The following UNC79 variants were observed in gnomAD, a reference collection of about 807,000 sequenced individuals.
UNC79 encodes unc-79 subunit of NALCN channel complex.
Under a neutral mutation model 283.1 loss-of-function variants are expected in UNC79, and 37 were observed. That is an observed-to-expected ratio of 0.13 (90% confidence interval 0.10 to 0.17). UNC79 has a LOEUF of 0.17. UNC79 is among the 10% of genes least tolerant of loss of function. UNC79 has a pLI of 1.00. For missense variants in UNC79, 2,272 were observed against 3,211.1 expected (o/e 0.71, Z 7.07); for synonymous variants, 1,107 against 1,200.2 (o/e 0.92, Z 1.61).
intron 23 of UNC79, among the ~76,000 whole-genome samples, chr14:93,595,861 C>G (rs1342894922): frequency 2.0e-5 from 3 of 152,122 alleles, no homozygotes; most frequent in Non-Finnish European, 4.4e-5. Context: ...TGAATGATTC[C>G]TCTTTCCATT....
intron 1 of UNC79, among the ~76,000 whole-genome samples, chr14:93,386,934 T>C (rs2054788844): frequency 1.5e-4 from 3 of 20,228 alleles, no homozygotes; most frequent in Non-Finnish European, 3.5e-4. Flanking sequence ...CTGCTTTTTT[T>C]TTTTTTTTTT....
At position 93,566,671 on chromosome 14, in the gene UNC79, C is replaced by G. The variant is rs532137552; in HGVS notation, c.1756-5223C>G. Among the ~76,000 whole-genome samples, 17 of 140,942 alleles carry G rather than the reference C, an allele frequency of 1.2e-4. 1 individual carries two copies. The South Asian group carries it at 3.5e-3, about 29-fold the overall frequency. 92.5% of individuals were successfully genotyped at this position (140,942 alleles called of 152,430 possible). On this transcript the variant is annotated intron_variant, in intron 14 of 48. Transcript: ENST00000555664. ...TTTTTTTTTTTGAGACGGAATCTTGCTCTGTTGCCAGGCAGGAGTGCAGTG... is the reference window on the plus strand; with the variant it reads ...TTTTTTTTTTTGAGACGGAATCTTGGTCTGTTGCCAGGCAGGAGTGCAGTG...
chr14:93,691,085 T>C (rs1366093185), intron 45 of UNC79: 1 of 153,844 alleles, frequency 6.5e-6, no homozygotes, highest in Non-Finnish European at 1.4e-5. Flanking sequence ...ATATTTCTAC[T>C]CAGATCCGGG....
At chr14:93,341,257 G>C (rs2053701713) in intron 1 of UNC79, among the ~76,000 whole-genome samples, 1 of 151,908 alleles carries the variant, frequency 6.6e-6, no homozygotes, top group Admixed American at 6.6e-5. Context: ...AGGAGTTCGA[G>C]ACCAGCCTGA....
chr14:93,413,247 A>G (rs753816466), intron 1 of UNC79, among the ~76,000 whole-genome samples: 8 of 142,196 alleles, frequency 5.6e-5, no homozygotes, highest in East Asian at 4.2e-4. Context: ...TCATCGTTCA[A>G]TTCCCACCTA....
At chr14:93,390,806 A>G (rs928149705) in intron 1 of UNC79, among the ~76,000 whole-genome samples, 1 of 152,214 alleles carries the variant, frequency 6.6e-6, no homozygotes, top group Non-Finnish European at 1.5e-5. Flanking sequence ...AAGAAGCCCC[A>G]AATAAAGGGA....
At chr14:93,683,405 G>GT (rs202040496) in intron 42 of UNC79, among the ~76,000 whole-genome samples, 5 of 151,974 alleles carry the variant, frequency 3.3e-5, no homozygotes, top group South Asian at 2.1e-4. Context: ...AAAGTGTGTG[G>GT]TTTTTTTCCT....
upstream of UNC79, among the ~76,000 whole-genome samples, chr14:93,425,603 C>T (rs1294048375): frequency 6.6e-6 from 1 of 152,118 alleles, no homozygotes; most frequent in African/African-American, 2.4e-5. Flanking sequence ...GATTTATGAT[C>T]AAGTTGGCAT....
At position 93,471,740 on chromosome 14, in the gene UNC79, G is replaced by A. The variant is rs140036195; in HGVS notation, c.144-2349G>A. 2.3e-3 allele frequency among the ~76,000 whole-genome samples: 353 copies of A among 152,064 alleles called. 1 individual carries two copies. Among genetic ancestry groups the A allele is most frequent in the South Asian group, 4.6e-3 (22 of 4,812 alleles). ...TGGTTTCATGGATGACTCATTTTCA[G>A]CCATTTTTTTTCTCAACCTCACCGA... On this transcript the variant is annotated intron_variant, in intron 2 of 48. Coordinates refer to ENST00000555664, the Ensembl canonical transcript of UNC79.
At chr14:93,503,329 CT>C (rs2059384939) in intron 7 of UNC79, among the ~76,000 whole-genome samples, 1 of 152,038 alleles carries the variant, frequency 6.6e-6, no homozygotes. Flanking sequence ...ATTAATCCCA[CT>C]TTCTGGCTTT....
chr14:93,620,738 C>T (rs988674953), intron 29 of UNC79, among the ~76,000 whole-genome samples, 154 bp from the exon 31 acceptor site: 2 of 152,164 alleles, frequency 1.3e-5, no homozygotes, highest in African/African-American at 2.4e-5. Flanking sequence ...GAATTTGATG[C>T]CTGGATGAAA....
chr14:93,361,309 C>T (rs948595329), intron 1 of UNC79, among the ~76,000 whole-genome samples: 6 of 150,298 alleles, frequency 4.0e-5, no homozygotes, highest in Non-Finnish European at 8.9e-5. Context: ...GCAACACATT[C>T]CTCATTTGGG....
At chr14:93,509,324 A>T (rs1045621917) in intron 7 of UNC79, among the ~76,000 whole-genome samples, 2 of 152,022 alleles carry the variant, frequency 1.3e-5, no homozygotes, top group African/African-American at 4.8e-5. Context: ...CCAAAATATC[A>T]TGTCCTTTTC....
At chr14:93,451,408 G>C (rs1183753825) in intron 1 of UNC79, among the ~76,000 whole-genome samples, 1 of 152,246 alleles carries the variant, frequency 6.6e-6, no homozygotes, top group Non-Finnish European at 1.5e-5. Context: ...AGCCTGAAGG[G>C]TAAGGGTCTA....
intron 5 of UNC79, among the ~76,000 whole-genome samples, chr14:93,488,734 G>A (rs1407342424): frequency 1.3e-5 from 2 of 152,172 alleles, no homozygotes; most frequent in Admixed American, 1.3e-4. Flanking sequence ...CAGCAGAGTT[G>A]ATGTCTGGTG....
intron 27 of UNC79, among the ~76,000 whole-genome samples, chr14:93,614,299 T>TTATATTTA (rs1423183169): frequency 4.3e-5 from 6 of 140,030 alleles, no homozygotes; most frequent in African/African-American, 1.7e-4. Flanking sequence ...GTGGTTTTAT[T>TTATATTTA]TTTATTTATT....
At chr14:93,355,993 G>C (rs1039012485) in intron 1 of UNC79, among the ~76,000 whole-genome samples, 1 of 150,348 alleles carries the variant, frequency 6.7e-6, no homozygotes, top group Admixed American at 6.6e-5. Context: ...CTTATTACAA[G>C]TGTAGTCTCT....
intron 41 of UNC79, among the ~76,000 whole-genome samples, chr14:93,678,643 C>T (rs575447053): frequency 1.3e-5 from 2 of 152,306 alleles, no homozygotes; most frequent in South Asian, 4.2e-4. Context: ...TTTTTAATTC[C>T]TAGAAGTTCT....
At chr14:93,660,752 G>C (rs1451571428) in intron 39 of UNC79, among the ~76,000 whole-genome samples, 1 of 151,038 alleles carries the variant, frequency 6.6e-6, no homozygotes, top group Non-Finnish European at 1.5e-5. Context: ...CATACACCTG[G>C]CTAATTTTTG....
Sources: gnomAD v4.1 joint callset for allele counts (sites outside exome capture counted in the v4.1 genomes callset) on GRCh38, gnomAD v4.1.1 for gene constraint, MANE v1.5 for transcripts, NCBI Gene and HGNC (gene_info 2026-07-23, HGNC 2026-07-21) for gene names.